TGOLN2: variants seen among roughly 807,000 people sequenced by gnomAD.
TGOLN2 encodes trans-Golgi network integral membrane protein 2.
TGOLN2 carries 19 observed loss-of-function variants against 31.3 expected under a neutral mutation model. The ratio of observed to expected loss-of-function variants is 0.61; its 90% CI spans 0.42 to 0.89. The LOEUF (loss-of-function observed/expected upper bound fraction) is 0.89. TGOLN2 is among the 40% of genes least tolerant of loss of function. The pLI, the probability that TGOLN2 is intolerant of heterozygous loss-of-function variation, is 0.00. For missense variants in TGOLN2, 540 were observed against 559.2 expected (o/e 0.97, Z 0.35); for synonymous variants, 222 against 226.7 (o/e 0.98, Z 0.19).
intron 3 of TGOLN2, chr2:85,324,682 G>A (rs1040985855): frequency 5.4e-6 from 3 of 556,840 alleles, no homozygotes; most frequent in Non-Finnish European, 9.6e-6. Flanking sequence ...ATCTGTGAAG[G>A]GAGGTAGCTG....
rs752005799 is a variant in TGOLN2, at chr2:85,326,750, C to T, written c.982G>A (p.Asp328Asn). 1.2e-6 allele frequency: 2 copies of T among 1,614,044 alleles called. No homozygotes were observed. The highest frequency in any genetic ancestry group is 4.5e-5 in the East Asian group (2 of 44,888). ...CCCTCCTCGGGTCCTGTATCATCAT[C>T]TTCAGCCTCTTTGGGCTCCACATCC... ...TEDVEPKEAEDDDTGPEEGSP... is the reference protein window; with the variant it reads ...TEDVEPKEAENDDTGPEEGSP... Residue 328 changes from aspartate to asparagine, a missense_variant, in exon 2 of 4, where the codon GAT becomes AAT. Transcript: ENST00000377386.
At chr2:85,326,443 C>T in intron 2 of TGOLN2, 65 bp downstream of exon 2, 2 of 1,538,392 alleles carry the variant, frequency 1.3e-6, no homozygotes, top group East Asian at 2.3e-5. Context: ...GGGATACCCA[C>T]CCACACCCAA....
intron 1 of TGOLN2, 93 bp from the exon 2 acceptor site, chr2:85,327,778 G>C (rs1682811109): frequency 5.4e-6 from 8 of 1,495,292 alleles, no homozygotes; most frequent in Non-Finnish European, 5.4e-6. Flanking sequence ...CGGGGGAATG[G>C]GGATTGGGGG....
At position 85,322,630 on chromosome 2, in the gene TGOLN2, C is replaced by A; in HGVS notation, c.*106G>T. 6.4e-7 allele frequency: 1 copy of A among 1,574,444 alleles called. No individual in the cohort carries two copies. Among genetic ancestry groups the A allele is most frequent in the South Asian group, 1.2e-5 (1 of 84,368 alleles). ...CATTTCTTTTGATTTAGAAACAAAT[C>A]AGCAGGGAGGACAAGGTTCTCAAGG... is the stretch of plus-strand genomic sequence containing the variant. On this transcript the variant is annotated 3_prime_UTR_variant, in exon 4 of 4. Coordinates refer to ENST00000377386, the MANE Select transcript of TGOLN2 (RefSeq NM_006464.4).
intron 3 of TGOLN2, 55 bp from the exon 4 acceptor site, chr2:85,322,796 C>T (rs1232518871): frequency 1.9e-6 from 3 of 1,591,068 alleles, no homozygotes; most frequent in Non-Finnish European, 2.6e-6. Context: ...AGAATTAAGA[C>T]ATACTGACCC....
In TGOLN2 at chr2:85,322,606, A is replaced by T; in HGVS notation, c.*130T>A. The stretch of plus-strand genomic sequence containing the variant: ...CTCAGGTCACAGTACTTTTTTCTTC[A>T]TTTCTTTTGATTTAGAAACAAATCA... On this transcript the variant is annotated 3_prime_UTR_variant, in exon 4 of 4. Transcript: ENST00000377386. The T allele has an allele frequency of 4.6e-6, 7 of 1,531,798 alleles. No individual in the cohort carries two copies. The Admixed American group carries it at 7.5e-5, about 16-fold the overall frequency. The allele number at this position is 1,531,798 out of a possible 1,614,324, so 94.9% of individuals were successfully genotyped here.
chr2:85,325,570 C>G (rs981558030), intron 2 of TGOLN2, among the ~76,000 whole-genome samples: 1 of 152,156 alleles, frequency 6.6e-6, no homozygotes, highest in Non-Finnish European at 1.5e-5. Flanking sequence ...CTCGACCTCC[C>G]ACAGTCAAGC....
intron 1 of TGOLN2, 105 bp from the exon 2 acceptor site, chr2:85,327,790 T>TTGGGGGGGGG: frequency 5.8e-6 from 2 of 345,640 alleles, no homozygotes; most frequent in Non-Finnish European, 9.1e-6. Context: ...GATTGGGGGG[T>TTGGGGGGGGG]GGGGCGGGAG....
intron 2 of TGOLN2, 131 bp downstream of exon 2, chr2:85,326,377 G>T: frequency 1.2e-6 from 1 of 827,916 alleles, no homozygotes; most frequent in East Asian, 2.6e-5. Flanking sequence ...AATAGGGCCT[G>T]AGGAAAAAAC....
At position 85,322,631 on chromosome 2, in the gene TGOLN2, A is replaced by C; in HGVS notation, c.*105T>G. 6.3e-7 allele frequency: 1 copy of C among 1,577,228 alleles called. No individual in the cohort carries two copies. The highest frequency in any genetic ancestry group is 8.6e-7 in the Non-Finnish European group (1 of 1,167,548). ...ATTTCTTTTGATTTAGAAACAAATCAGCAGGGAGGACAAGGTTCTCAAGGA... is the reference window on the plus strand; with the variant it reads ...ATTTCTTTTGATTTAGAAACAAATCCGCAGGGAGGACAAGGTTCTCAAGGA... On this transcript the variant is annotated 3_prime_UTR_variant, in exon 4 of 4. Coordinates refer to ENST00000377386, the MANE Select transcript of TGOLN2 (RefSeq NM_006464.4).
rs189296457 is a variant in TGOLN2 at position 85,318,555 on chromosome 2, C to T, written c.*4181G>A. On this transcript the variant is annotated 3_prime_UTR_variant, in exon 4 of 4. Coordinates refer to ENST00000377386, the MANE Select transcript of TGOLN2 (RefSeq NM_006464.4). ...CCTAACAGGGGTTTTCAGAAAATGG[C>T]CTGCAGAAGCACAGGATCTGGTGCC... The T allele has an allele frequency of 2.0e-5, 3 of 152,362 alleles. No homozygotes were observed. The highest frequency in any genetic ancestry group is 2.0e-4 in the Admixed American group (3 of 15,306). The allele number at this position is 152,362 out of a possible 1,614,324, so 9.4% of individuals were successfully genotyped here.
chr2:85,326,773 T>C lies in TGOLN2; in HGVS notation c.959A>G (p.Asp320Gly). The change falls in exon 2 of 4, where the codon GAT (aspartate) becomes GGT (glycine). Residue 320 changes from aspartate (D) to glycine (G), a missense_variant. Coordinates refer to ENST00000377386, the MANE Select transcript of TGOLN2 (RefSeq NM_006464.4). ...EEVKSSEPTE[D>G]VEPKEAEDDD... ...ATCTTCAGCCTCTTTGGGCTCCACA[T>C]CCTCAGTAGGCTCTGAAGACTTAAC... 1 of 1,613,962 alleles carries C rather than the reference T, an allele frequency of 6.2e-7. No homozygotes were observed. The highest frequency in any genetic ancestry group is 1.1e-5 in the South Asian group (1 of 91,080).
intron 3 of TGOLN2, chr2:85,324,471 G>T: frequency 5.2e-6 from 1 of 190,786 alleles, no homozygotes; most frequent in Non-Finnish European, 1.1e-5. Context: ...CACATCTAAT[G>T]AATCAGATAA....
intron 3 of TGOLN2, among the ~76,000 whole-genome samples, chr2:85,323,182 G>A (rs1056292329): frequency 6.6e-6 from 1 of 152,190 alleles, no homozygotes; most frequent in African/African-American, 2.4e-5. Flanking sequence ...TGGCCAGACT[G>A]ATCTAGAACT....
At position 85,320,918 on chromosome 2, in the gene TGOLN2, TGACA is replaced by T. The variant is rs1264065226; in HGVS notation, c.*1814_*1817del. The T allele has an allele frequency of 6.7e-6, 1 of 149,528 alleles. No homozygotes were observed. The highest frequency in any genetic ancestry group is 1.5e-5 in the Non-Finnish European group (1 of 67,692). The allele number at this position is 149,528 out of a possible 1,614,324, so 9.3% of individuals were successfully genotyped here. ...CTGGTAACCTTTAGAAAAGTTTAGT[TGACA>T]GACAGAGACCGAAGTGAGTTAGTAA... On this transcript the variant is annotated 3_prime_UTR_variant, in exon 4 of 4. Transcript: ENST00000377386.
intron 3 of TGOLN2, among the ~76,000 whole-genome samples, chr2:85,323,008 T>C (rs747030553): frequency 1.7e-4 from 26 of 152,252 alleles, no homozygotes; most frequent in Non-Finnish European, 2.4e-4. Context: ...GACGGAGTCT[T>C]GCTCTGTTGC....
At chr2:85,326,006 C>T (rs1682715683) in intron 2 of TGOLN2, among the ~76,000 whole-genome samples, 1 of 152,180 alleles carries the variant, frequency 6.6e-6, no homozygotes, top group Non-Finnish European at 1.5e-5. Flanking sequence ...TCTGGGCTTT[C>T]TTCTAATTAT....
chr2:85,324,644 G>C (rs79830429), intron 3 of TGOLN2: 5 of 460,994 alleles, frequency 1.1e-5, no homozygotes, highest in African/African-American at 4.0e-5. Flanking sequence ...AAAAAAAAAA[G>C]AGTGTTTCTG....
chr2:85,325,001 G>C lies in TGOLN2; in HGVS notation c.1225-3C>G. On this transcript the variant is annotated splice_region_variant and splice_polypyrimidine_tract_variant and intron_variant, in intron 2 of 3. Transcript: ENST00000377386. Reference sequence around the variant, plus strand: ...CCTTCCAGGACAAAAGCAATGATCTGAGGAAAGGAAAAAGAAAATGATTAA... The same window carrying C: ...CCTTCCAGGACAAAAGCAATGATCTCAGGAAAGGAAAAAGAAAATGATTAA... 6.4e-7 allele frequency: 1 copy of C among 1,551,850 alleles called. No homozygotes were observed. Among genetic ancestry groups the C allele is most frequent in the Non-Finnish European group, 8.7e-7 (1 of 1,147,024 alleles).
Sources: gnomAD v4.1 joint callset for allele counts (sites outside exome capture counted in the v4.1 genomes callset) on GRCh38, gnomAD v4.1.1 for gene constraint, MANE v1.5 for transcripts, NCBI Gene and HGNC (gene_info 2026-07-23, HGNC 2026-07-21) for gene names.